SRD5A2: variants seen among roughly 807,000 people sequenced by gnomAD.
The protein encoded by SRD5A2 is steroid 5 alpha-reductase 2, also known as 3-oxo-5-alpha-steroid 4-dehydrogenase 2.
SRD5A2 carries 30 observed loss-of-function variants against 27.4 expected under a neutral mutation model. The observed-to-expected ratio is 1.10, with a 90% CI of 0.82 to 1.49. The LOEUF (loss-of-function observed/expected upper bound fraction) is 1.49, where lower values mean the gene tolerates loss of function less well. SRD5A2 is among the 40% of genes most tolerant of loss of function. The pLI is 0.00. For missense variants in SRD5A2, 348 were observed against 323.4 expected (o/e 1.08, Z -0.58); for synonymous variants, 141 against 133.6 (o/e 1.06, Z -0.38).
chr2:31,531,143 G>A (rs1035291303), intron 3 of SRD5A2, among the ~76,000 whole-genome samples: 7 of 152,188 alleles, frequency 4.6e-5, no homozygotes, highest in Middle Eastern at 3.2e-3. Context: ...CGGGTATTGC[G>A]GTCTCGCACC....
chr2:31,613,644 T>C, the SRD5A2 span, among the ~76,000 whole-genome samples: 1 of 152,292 alleles, frequency 6.6e-6, no homozygotes, highest in Non-Finnish European at 1.5e-5. Flanking sequence ...ATTCATATGA[T>C]CCAGCAATTC....
the SRD5A2 span, among the ~76,000 whole-genome samples, chr2:31,607,106 G>C: frequency 6.6e-6 from 1 of 151,874 alleles, no homozygotes; most frequent in Non-Finnish European, 1.5e-5. Flanking sequence ...ATAATTTAAA[G>C]ATATGTCATT....
At chr2:31,597,144 A>G in the SRD5A2 span, among the ~76,000 whole-genome samples, 1 of 152,178 alleles carries the variant, frequency 6.6e-6, no homozygotes. Context: ...CCAATGGAAC[A>G]AAATAGATAA....
At chr2:31,628,264 C>A in the SRD5A2 span, among the ~76,000 whole-genome samples, 1 of 151,940 alleles carries the variant, frequency 6.6e-6, no homozygotes, top group Non-Finnish European at 1.5e-5. Flanking sequence ...ATTTTAAAGT[C>A]TGTTTCTTCT....
At position 31,533,757 on chromosome 2, in the gene SRD5A2, C is replaced by A; in HGVS notation, c.291G>T (p.Val97=). Residue 97 remains valine (V), a synonymous_variant, in exon 2 of 5, where the codon GTG becomes GTT. Coordinates refer to ENST00000622030, the MANE Select transcript of SRD5A2 (RefSeq NM_000348.4). ...GCCTCCCTCGATTGAGCAGTGAGTA[C>A]ACAAATGTCCTGGGACACACAGGGA... ...FCLHYFHRTF[V]YSLLNRGRPY... is the part of the protein sequence containing the mutation. 2 of 1,602,932 alleles carry A rather than the reference C, an allele frequency of 1.2e-6. No individual in the cohort carries two copies. Among genetic ancestry groups the A allele is most frequent in the South Asian group, 1.1e-5 (1 of 88,140 alleles).
At chr2:31,631,133 T>C in the SRD5A2 span, among the ~76,000 whole-genome samples, 1 of 152,174 alleles carries the variant, frequency 6.6e-6, no homozygotes, top group South Asian at 2.1e-4. Flanking sequence ...AGAACAGTTG[T>C]TTATGGGAGT....
the SRD5A2 span, among the ~76,000 whole-genome samples, chr2:31,641,237 T>C: frequency 1.3e-5 from 2 of 152,120 alleles, no homozygotes; most frequent in Non-Finnish European, 2.9e-5. Context: ...AGACCAAAAT[T>C]GCAGATGAAA....
the SRD5A2 span, among the ~76,000 whole-genome samples, chr2:31,625,470 C>T: frequency 6.6e-6 from 1 of 152,146 alleles, no homozygotes; most frequent in African/African-American, 2.4e-5. Flanking sequence ...CCTAGGTTTT[C>T]TTCCAGGGTT....
At chr2:31,635,856 T>C in the SRD5A2 span, among the ~76,000 whole-genome samples, 1 of 152,116 alleles carries the variant, frequency 6.6e-6, no homozygotes, top group Non-Finnish European at 1.5e-5. Flanking sequence ...GATGAGTTAA[T>C]TGTAAATGAA....
upstream of SRD5A2, among the ~76,000 whole-genome samples, chr2:31,584,216 G>A (rs1667139712): frequency 6.6e-6 from 1 of 152,150 alleles, no homozygotes; most frequent in Non-Finnish European, 1.5e-5. Flanking sequence ...GATCCCAGAA[G>A]GCCATGGTTT....
At chr2:31,597,831 G>A in the SRD5A2 span, among the ~76,000 whole-genome samples, 1 of 152,014 alleles carries the variant, frequency 6.6e-6, no homozygotes, top group Non-Finnish European at 1.5e-5. Flanking sequence ...TGGTAAAAAG[G>A]GAACACTTGT....
chr2:31,650,966 T>G, the SRD5A2 span, among the ~76,000 whole-genome samples: 1 of 152,186 alleles, frequency 6.6e-6, no homozygotes, highest in Non-Finnish European at 1.5e-5. Context: ...GTGGGCATAC[T>G]TCAAGGGAAG....
intron 1 of SRD5A2, among the ~76,000 whole-genome samples, chr2:31,545,373 T>C (rs578181703): frequency 3.3e-5 from 5 of 152,098 alleles, no homozygotes; most frequent in African/African-American, 9.7e-5. Context: ...AACAGAATTA[T>C]AGACCATGAT....
chr2:31,571,142 C>A (rs765908114), intron 1 of SRD5A2, among the ~76,000 whole-genome samples: 11 of 152,148 alleles, frequency 7.2e-5, no homozygotes, highest in Non-Finnish European at 1.5e-4. Flanking sequence ...CTACAGTAAC[C>A]AAAACAGCGT....
intron 1 of SRD5A2, among the ~76,000 whole-genome samples, chr2:31,545,749 A>G (rs1364857643): frequency 6.6e-6 from 1 of 152,200 alleles, no homozygotes; most frequent in Non-Finnish European, 1.5e-5. Context: ...AGAGATACAA[A>G]TCAGAAAGAA....
chr2:31,628,399 C>A, the SRD5A2 span, among the ~76,000 whole-genome samples: 2 of 152,088 alleles, frequency 1.3e-5, no homozygotes, highest in Admixed American at 1.3e-4. Context: ...AGACAGCGTA[C>A]CACTGGGTTT....
At chr2:31,561,444 A>T (rs1313206325) in intron 1 of SRD5A2, among the ~76,000 whole-genome samples, 1 of 152,126 alleles carries the variant, frequency 6.6e-6, no homozygotes, top group Admixed American at 6.5e-5. Context: ...CCCCATGCAA[A>T]TGTTATCTGG....
At chr2:31,644,719 T>C in the SRD5A2 span, among the ~76,000 whole-genome samples, 1 of 152,202 alleles carries the variant, frequency 6.6e-6, no homozygotes, top group Admixed American at 6.5e-5. Flanking sequence ...TGGAAACAAT[T>C]GACAAAATTC....
At chr2:31,569,680 A>C (rs1448260684) in intron 1 of SRD5A2, among the ~76,000 whole-genome samples, 2 of 150,110 alleles carry the variant, frequency 1.3e-5, no homozygotes, top group African/African-American at 4.9e-5. Flanking sequence ...CAAAAAACAA[A>C]AAAAAAAAAA....
Sources: allele counts gnomAD v4.1 joint callset (sites outside exome capture counted in the v4.1 genomes callset), GRCh38; gene constraint gnomAD v4.1.1; transcripts MANE v1.5; gene names NCBI Gene and HGNC (gene_info 2026-07-23, HGNC 2026-07-21).